Variants in CNTNAP2 observed in about 807,000 individuals in gnomAD.
CNTNAP2 encodes the protein contactin-associated protein-like 2.
CNTNAP2 carries 98 observed loss-of-function variants against 155.2 expected under a neutral mutation model. The observed-to-expected ratio is 0.63, with a 90% CI of 0.54 to 0.75. The LOEUF (loss-of-function observed/expected upper bound fraction) is 0.75. Among genes scored for constraint, CNTNAP2 ranks in the 30% least tolerant of loss-of-function variants. CNTNAP2 has a pLI of 0.00. For missense variants in CNTNAP2, 1,727 were observed against 1,688.1 expected (o/e 1.02, Z -0.40); for synonymous variants, 651 against 631.2 (o/e 1.03, Z -0.47).
intron 13 of CNTNAP2, among the ~76,000 whole-genome samples, chr7:147,719,196 A>G (rs1208241592): frequency 6.6e-6 from 1 of 152,112 alleles, no homozygotes; most frequent in Non-Finnish European, 1.5e-5. Flanking sequence ...AGTTTGTTGC[A>G]GAAGCTGGGT....
At chr7:147,625,646 T>C (rs28735186) in intron 12 of CNTNAP2, among the ~76,000 whole-genome samples, 13,702 of 152,170 alleles carry the variant, frequency 0.09, 1,717 homozygotes, top group African/African-American at 0.26. Context: ...AGATAGGAGA[T>C]AGGGCTAATG....
intron 3 of CNTNAP2, among the ~76,000 whole-genome samples, chr7:146,871,920 T>C (rs1289951218): frequency 5.3e-5 from 8 of 152,096 alleles, no homozygotes; most frequent in African/African-American, 1.9e-4. Context: ...ACATCACATA[T>C]TGCTATTCTC....
At chr7:147,871,797 G>A (rs17170715) in intron 13 of CNTNAP2, among the ~76,000 whole-genome samples, 16 of 151,958 alleles carry the variant, frequency 1.1e-4, no homozygotes, top group Admixed American at 5.9e-4. Flanking sequence ...CGAATAGTTC[G>A]GGAATTTATT....
intron 1 of CNTNAP2, among the ~76,000 whole-genome samples, chr7:146,201,508 A>G (rs1372807775): frequency 6.6e-6 from 1 of 152,154 alleles, no homozygotes; most frequent in East Asian, 1.9e-4. Flanking sequence ...TACCTTCCAC[A>G]AGTTTACTGT....
At chr7:146,984,622 G>A (rs968226911) in intron 3 of CNTNAP2, among the ~76,000 whole-genome samples, 1 of 152,056 alleles carries the variant, frequency 6.6e-6, no homozygotes, top group African/African-American at 2.4e-5. Context: ...AAGAGGGGCT[G>A]GTGTCCTACA....
intron 1 of CNTNAP2, among the ~76,000 whole-genome samples, chr7:146,712,161 T>TATGTATACAAATATGTATACATATCTA (rs1801095459): frequency 7.9e-6 from 1 of 127,326 alleles, no homozygotes; most frequent in African/African-American, 2.9e-5. Context: ...ATACATATCT[T>TATGTATACAAATATGTATACATATCTA]ATGTATACAA....
intron 1 of CNTNAP2, among the ~76,000 whole-genome samples, chr7:146,276,041 C>T (rs929605439): frequency 6.6e-6 from 1 of 152,172 alleles, no homozygotes; most frequent in African/African-American, 2.4e-5. Context: ...TGCAAAATGT[C>T]AGTGGCACCA....
chr7:147,958,376 C>T (rs532880429), intron 14 of CNTNAP2, among the ~76,000 whole-genome samples: 17 of 152,076 alleles, frequency 1.1e-4, no homozygotes, highest in African/African-American at 4.8e-5. Context: ...TTAAAGTTTG[C>T]GAGGGAACCA....
intron 1 of CNTNAP2, among the ~76,000 whole-genome samples, chr7:146,238,797 A>G (rs1295001751): frequency 6.6e-6 from 1 of 152,140 alleles, no homozygotes; most frequent in African/African-American, 2.4e-5. Context: ...CGGAAGGCAA[A>G]GGGGAGGCAA....
intron 1 of CNTNAP2, among the ~76,000 whole-genome samples, chr7:146,207,637 G>GTTTTT (rs57881187): frequency 0.011 from 1,332 of 122,114 alleles, 19 homozygotes; most frequent in African/African-American, 0.038. Context: ...ACAGGACTGT[G>GTTTTT]TTTTTTTTTT....
chr7:147,997,599 C>G (rs10264127), intron 15 of CNTNAP2, among the ~76,000 whole-genome samples: 57,195 of 151,070 alleles, frequency 0.38, 11,398 homozygotes, highest in East Asian at 0.49. Flanking sequence ...CACAGTGAAG[C>G]GGGTGCAGCA....
intron 12 of CNTNAP2, among the ~76,000 whole-genome samples, chr7:147,576,243 C>T (rs994367190): frequency 6.6e-6 from 1 of 152,076 alleles, no homozygotes; most frequent in Non-Finnish European, 1.5e-5. Flanking sequence ...GAATAGACCT[C>T]ACCACTGTGT....
chr7:147,867,038 C>A (rs964001381), intron 13 of CNTNAP2, among the ~76,000 whole-genome samples: 1 of 152,130 alleles, frequency 6.6e-6, no homozygotes, highest in African/African-American at 2.4e-5. Flanking sequence ...AGTTTCTTCA[C>A]AGCATCGATG....
rs1490418389 is a variant in CNTNAP2 at position 148,106,493 on chromosome 7, G to GATAGATAGATATATATATAT, written c.2384-11622_2384-11621insGATAGATATATATATATATA. Among the ~76,000 whole-genome samples, 620 of 124,900 alleles carry GATAGATAGATATATATATAT rather than the reference G, an allele frequency of 5.0e-3. 7 individuals carry two copies. The highest frequency in any genetic ancestry group is 7.6e-3 in the Middle Eastern group (2 of 262). The allele number at this position is 124,900 out of a possible 152,430, so 81.9% of individuals were successfully genotyped here. On this transcript the variant is annotated intron_variant, in intron 15 of 23. Coordinates refer to ENST00000361727, the MANE Select transcript of CNTNAP2 (RefSeq NM_014141.6). The stretch of plus-strand genomic sequence containing the variant: ...CACTTCAGTGTACTGCACACTTTGA[G>GATAGATAGATATATATATAT]ATATATATATATATATATATATATA...
At chr7:146,858,045 A>T (rs1413404889) in intron 3 of CNTNAP2, among the ~76,000 whole-genome samples, 2 of 152,188 alleles carry the variant, frequency 1.3e-5, no homozygotes, top group African/African-American at 4.8e-5. Flanking sequence ...AGCTTAGGAC[A>T]ATTGGATATT....
chr7:147,955,912 C>G (rs1801010462), intron 14 of CNTNAP2, among the ~76,000 whole-genome samples: 1 of 152,206 alleles, frequency 6.6e-6, no homozygotes, highest in African/African-American at 2.4e-5. Flanking sequence ...CCAAGAATTA[C>G]TGACTATAAT....
At chr7:147,075,963 A>G (rs1168144992) in intron 4 of CNTNAP2, among the ~76,000 whole-genome samples, 1 of 152,168 alleles carries the variant, frequency 6.6e-6, no homozygotes, top group African/African-American at 2.4e-5. Context: ...ACCTGAACTC[A>G]TCCTTTTTTA....
intron 21 of CNTNAP2, among the ~76,000 whole-genome samples, chr7:148,287,993 T>C (rs1235283632): frequency 6.6e-6 from 1 of 151,844 alleles, no homozygotes; most frequent in Non-Finnish European, 1.5e-5. Context: ...GGTTTCACCA[T>C]GTTGGCCAGG....
chr7:146,707,972 CTG>C (rs1364351068), intron 1 of CNTNAP2, among the ~76,000 whole-genome samples: 2 of 151,950 alleles, frequency 1.3e-5, no homozygotes, highest in African/African-American at 4.8e-5. Context: ...GCATCAGCAA[CTG>C]TGATTTATGG....
Sources: gnomAD v4.1 joint callset for allele counts (sites outside exome capture counted in the v4.1 genomes callset) on GRCh38, gnomAD v4.1.1 for gene constraint, MANE v1.5 for transcripts, NCBI Gene and HGNC (gene_info 2026-07-23, HGNC 2026-07-21) for gene names.